Variants in EIF4G3 observed in about 807,000 individuals in gnomAD.
EIF4G3 encodes eukaryotic translation initiation factor 4 gamma 3.
In EIF4G3, 34 loss-of-function variants were observed where a neutral mutation model predicts 186.4. The observed-to-expected ratio is 0.18, with a 90% confidence interval of 0.14 to 0.24. EIF4G3 has a LOEUF of 0.24. Among genes scored for constraint, EIF4G3 ranks in the 10% least tolerant of loss-of-function variants. EIF4G3 has a pLI of 1.00. For synonymous variants in EIF4G3, 673 were observed against 679.5 expected (o/e 0.99, Z 0.15); for missense variants, 1,536 against 1,948.5 (o/e 0.79, Z 3.99).
chr1:20,854,538 TA>T lies in EIF4G3; in HGVS notation c.3433+439del, dbSNP rs36090897. Among the ~76,000 whole-genome samples the T allele has an allele frequency of 9.7e-3, 1,284 of 132,278 alleles. 13 individuals carry two copies. The highest frequency in any genetic ancestry group is 0.028 in the African/African-American group (987 of 35,118). 86.8% of individuals were successfully genotyped at this position (132,278 alleles called of 152,430 possible). ...GTGAGACTCCATCTCTACAAAAAATTAAAAAAAAAAAAAAAAATCAGCCAGG... is the reference window on the plus strand; with the variant it reads ...GTGAGACTCCATCTCTACAAAAAATTAAAAAAAAAAAAAAAATCAGCCAGG... On this transcript the variant is annotated intron_variant, in intron 26 of 36. Coordinates refer to ENST00000602326, the MANE Select transcript of EIF4G3 (RefSeq NM_001391906.1).
At chr1:21,137,542 C>T (rs946675167) in intron 2 of EIF4G3, among the ~76,000 whole-genome samples, 6 of 152,070 alleles carry the variant, frequency 3.9e-5, no homozygotes, top group African/African-American at 1.4e-4. Flanking sequence ...GGCATGGTGG[C>T]TCATGCCTGT....
intron 24 of EIF4G3, among the ~76,000 whole-genome samples, chr1:20,858,551 CTTCT>C (rs932460552): frequency 9.2e-5 from 14 of 152,292 alleles, no homozygotes; most frequent in South Asian, 4.1e-4. Flanking sequence ...TCCCTTCTCC[CTTCT>C]TTGTTTTTCT....
intron 20 of EIF4G3, among the ~76,000 whole-genome samples, chr1:20,875,132 A>G (rs2080389239): frequency 6.6e-6 from 1 of 151,730 alleles, no homozygotes; most frequent in African/African-American, 2.4e-5. Flanking sequence ...GTGGACTACT[A>G]TCATGCCTGG....
intron 26 of EIF4G3, among the ~76,000 whole-genome samples, chr1:20,854,699 C>T (rs1001603305): frequency 7.0e-6 from 1 of 143,324 alleles, no homozygotes; most frequent in South Asian, 2.3e-4. Flanking sequence ...AGCGGGATCC[C>T]ATCTCAAAAA....
chr1:20,980,132 TTAAGAC>T (rs2154566491), intron 10 of EIF4G3, among the ~76,000 whole-genome samples, 196 bp downstream of exon 10: 1 of 152,176 alleles, frequency 6.6e-6, no homozygotes, highest in East Asian at 1.9e-4. Context: ...GCCCAGGAGT[TTAAGAC>T]CAGCCTGACT....
In EIF4G3 at chr1:20,851,280, C is replaced by T. The variant is rs757831977; in HGVS notation, c.3750G>A (p.Glu1250=). 8 of 1,614,072 alleles carry T rather than the reference C, an allele frequency of 5.0e-6. No individual in the cohort carries two copies. The South Asian group carries it at 5.5e-5, about 11-fold the overall frequency. Residue 1250 remains glutamate, a synonymous_variant, in exon 28 of 37, where the codon GAG becomes GAA. Coordinates refer to ENST00000602326, the MANE Select transcript of EIF4G3 (RefSeq NM_001391906.1). ...VDVERNSTEA[E]RNKTRESAKP... is the part of the protein sequence containing the mutation. ...CACCTGACTCCCTTGTTTTATTTCG[C>T]TCAGCCTCAGTGCTGTTCCTCTCCA...
At chr1:21,040,797 C>G (rs1034774398) in intron 4 of EIF4G3, among the ~76,000 whole-genome samples, 9 of 152,108 alleles carry the variant, frequency 5.9e-5, no homozygotes, top group Admixed American at 3.9e-4. Context: ...AAAAGGCAGA[C>G]AAGACTGAAA....
At chr1:20,929,557 A>C (rs544485182) in intron 14 of EIF4G3, 62 of 152,334 alleles carry the variant, frequency 4.1e-4, no homozygotes, top group African/African-American at 1.4e-3. Flanking sequence ...GTGTATTAGC[A>C]GAGTTCAAAG....
chr1:20,892,476 T>G, intron 18 of EIF4G3: 1 of 663,908 alleles, frequency 1.5e-6, no homozygotes, highest in Non-Finnish European at 2.6e-6. Context: ...AATGGCAATC[T>G]GCAGTTTACC....
intron 4 of EIF4G3, among the ~76,000 whole-genome samples, chr1:21,015,675 G>GATCC (rs2088748138): frequency 6.6e-6 from 1 of 151,214 alleles, no homozygotes; most frequent in Non-Finnish European, 1.5e-5. Context: ...TGACAAGCAA[G>GATCC]GGATCCTCAA....
At chr1:21,110,647 TCTCG>T (rs2096708678) in intron 2 of EIF4G3, among the ~76,000 whole-genome samples, 1 of 152,030 alleles carries the variant, frequency 6.6e-6, no homozygotes, top group Non-Finnish European at 1.5e-5. Context: ...GTCAGACTGG[TCTCG>T]AACTCCTGAC....
intron 33 of EIF4G3, among the ~76,000 whole-genome samples, chr1:20,822,078 A>G (rs1182829436): frequency 5.3e-5 from 8 of 151,966 alleles, no homozygotes; most frequent in Admixed American, 2.0e-4. Flanking sequence ...GGGATTCACC[A>G]TGTTGGCCAG....
intron 34 of EIF4G3, among the ~76,000 whole-genome samples, chr1:20,816,112 C>G (rs2060726732): frequency 7.4e-6 from 1 of 135,974 alleles, no homozygotes; most frequent in Non-Finnish European, 1.6e-5. Context: ...GGGATCAGCC[C>G]CCCGCCCGGC....
chr1:21,031,140 C>T (rs1393499736), intron 4 of EIF4G3, among the ~76,000 whole-genome samples: 1 of 151,724 alleles, frequency 6.6e-6, no homozygotes, highest in Non-Finnish European at 1.5e-5. Flanking sequence ...GAGCCAAGAT[C>T]ACACCACTGC....
Position 20,835,147 on chromosome 1 carries a change from TAGAA to T in EIF4G3, c.4061+5705_4061+5708del, listed in dbSNP as rs774176601. ...ACAACCAATAGGTCACAGAAGAAAT[TAGAA>T]AGGAATTTTTAAAAAATATCTTGAG... On this transcript the variant is annotated intron_variant, in intron 30 of 36. Coordinates refer to ENST00000602326, the MANE Select transcript of EIF4G3 (RefSeq NM_001391906.1). 3.9e-5 allele frequency among the ~76,000 whole-genome samples: 6 copies of T among 152,142 alleles called. No individual in the cohort carries two copies. In the South Asian group the frequency reaches 1.2e-3, roughly 32 times the overall value.
chr1:20,901,409 G>A (rs1203653460), intron 15 of EIF4G3, among the ~76,000 whole-genome samples: 3 of 152,090 alleles, frequency 2.0e-5, no homozygotes, highest in Non-Finnish European at 2.9e-5. Flanking sequence ...ATATCAGTAT[G>A]TAAATGGTAT....
chr1:21,039,215 A>G (rs953288935), intron 4 of EIF4G3, among the ~76,000 whole-genome samples: 1 of 152,220 alleles, frequency 6.6e-6, no homozygotes, highest in Non-Finnish European at 1.5e-5. Flanking sequence ...TTTTCAACCA[A>G]TGGTGCTAGA....
chr1:20,875,371 G>T (rs558340776), intron 20 of EIF4G3, among the ~76,000 whole-genome samples: 1 of 152,194 alleles, frequency 6.6e-6, no homozygotes, highest in Non-Finnish European at 1.5e-5. Flanking sequence ...GTACAGTAAT[G>T]ATTTGTATAC....
At chr1:20,912,957 A>C in intron 14 of EIF4G3, among the ~76,000 whole-genome samples, 1 of 152,202 alleles carries the variant, frequency 6.6e-6, no homozygotes, top group East Asian at 1.9e-4. Context: ...TGAGAGGATA[A>C]ATTTTACAAT....
Sources: gnomAD v4.1 joint callset for allele counts (sites outside exome capture counted in the v4.1 genomes callset) on GRCh38, gnomAD v4.1.1 for gene constraint, MANE v1.5 for transcripts, NCBI Gene and HGNC (gene_info 2026-07-23, HGNC 2026-07-21) for gene names.